The following GOLGA8B variants were observed in gnomAD, a reference collection of about 807,000 sequenced individuals.
The protein encoded by GOLGA8B is golgin subfamily A member 8B.
Under a neutral mutation model 15.6 loss-of-function variants are expected in GOLGA8B, and 1 was observed. That is an observed-to-expected ratio of 0.06 (90% CI 0.02 to 0.30). GOLGA8B has a LOEUF of 0.30. Ranked by LOEUF, GOLGA8B falls within the 10% of genes least tolerant of loss-of-function variation. The pLI, the probability that GOLGA8B is intolerant of heterozygous loss-of-function variation, is 1.00. For missense variants in GOLGA8B, 17 were observed against 201.3 expected, an observed-to-expected ratio of 0.08 and a Z score of 5.54; for synonymous variants, 9 against 80.3, an observed-to-expected ratio of 0.11 and a Z score of 4.75.
intron 11 of GOLGA8B, among the ~76,000 whole-genome samples, chr15:34,532,334 G>A (rs1218500928): frequency 5.5e-4 from 33 of 59,828 alleles, no homozygotes; most frequent in African/African-American, 9.5e-4. Context: ...AGCACGTACG[G>A]GCCAGGGACG....
intron 1 of GOLGA8B, among the ~76,000 whole-genome samples, chr15:34,570,724 C>T (rs1888893010): frequency 8.7e-6 from 1 of 115,062 alleles, no homozygotes; most frequent in Admixed American, 1.0e-4. Context: ...GGTGGGCAGG[C>T]AGCCCACAAA....
chr15:34,556,947 G>C, intron 1 of GOLGA8B: 1 of 640,608 alleles, frequency 1.6e-6, no homozygotes, highest in Non-Finnish European at 2.7e-6. Flanking sequence ...AATGGTGGCT[G>C]AGCTCTTCAT....
In GOLGA8B at chr15:34,527,022, G is replaced by C. The variant is rs1888072895; in HGVS notation, c.*610C>G. On this transcript the variant is annotated 3_prime_UTR_variant, in exon 24 of 24. Transcript: ENST00000683415. Reference sequence around the variant, plus strand: ...CGAGATTTAGAAAGCTCCCCCAAAAGGTTATCACTCCCATCACCAATACAC... The same window carrying C: ...CGAGATTTAGAAAGCTCCCCCAAAACGTTATCACTCCCATCACCAATACAC... 1 of 164,262 alleles carries C rather than the reference G, an allele frequency of 6.1e-6. No individual in the cohort carries two copies. The highest frequency in any genetic ancestry group is 1.3e-5 in the Non-Finnish European group (1 of 77,276). The allele number at this position is 164,262 out of a possible 1,614,324, so 10.2% of individuals were successfully genotyped here.
At chr15:34,564,658 T>C (rs1012696570) in intron 1 of GOLGA8B, among the ~76,000 whole-genome samples, 7 of 145,376 alleles carry the variant, frequency 4.8e-5, no homozygotes, top group African/African-American at 1.5e-4. Flanking sequence ...GTGAATGTTA[T>C]GGTCTTGATT....
chr15:34,580,718 G>A lies in GOLGA8B; in HGVS notation c.-1123+2798C>T, dbSNP rs958428642. Among the ~76,000 whole-genome samples, 11 of 152,256 alleles carry A rather than the reference G, an allele frequency of 7.2e-5. No homozygotes were observed. The East Asian group carries it at 1.2e-3, about 16-fold the overall frequency. ...AGGAACTCTGGGAAAGGAAAGAGCC[G>A]GAGAAGCCTCTCTGTGGGCGCTCAG... On this transcript the variant is annotated intron_variant, in intron 1 of 23. Transcript: ENST00000683415.
At position 34,526,343 on chromosome 15, in the gene GOLGA8B, C is replaced by A. The variant is rs191828178; in HGVS notation, c.*1289G>T. On this transcript the variant is annotated 3_prime_UTR_variant, in exon 24 of 24. Coordinates refer to ENST00000683415, the MANE Select transcript of GOLGA8B (RefSeq NM_001023567.5). ...TTTTTGTTTCAACTAAGTACTCTCA[C>A]ATATATTAGTTTATAATAATGTTTG... 1 of 149,632 alleles carries A rather than the reference C, an allele frequency of 6.7e-6. No homozygotes were observed. Among genetic ancestry groups the A allele is most frequent in the East Asian group, 2.0e-4 (1 of 5,102 alleles). 9.3% of individuals were successfully genotyped at this position (149,632 alleles called of 1,614,324 possible).
At chr15:34,581,208 G>A (rs907059723) in intron 1 of GOLGA8B, among the ~76,000 whole-genome samples, 2 of 152,352 alleles carry the variant, frequency 1.3e-5, no homozygotes, top group African/African-American at 2.4e-5. Flanking sequence ...AGGTATGCGT[G>A]GCAGAGGACA....
chr15:34,569,354 T>TCTCCCTCTCCC (rs1322823431), intron 1 of GOLGA8B, among the ~76,000 whole-genome samples: 3 of 151,514 alleles, frequency 2.0e-5, no homozygotes, highest in African/African-American at 7.3e-5. Flanking sequence ...CTCCCTCTCC[T>TCTCCCTCTCCC]CTCCCTCTCC....
intron 1 of GOLGA8B, among the ~76,000 whole-genome samples, chr15:34,579,351 T>C (rs1435221456): frequency 6.6e-6 from 1 of 151,872 alleles, no homozygotes; most frequent in Non-Finnish European, 1.5e-5. Context: ...AGTCTGACAT[T>C]AGGTACAAGA....
chr15:34,557,644 A>ATGTGTGTATGTGTGTGTGTG (rs1555405944), intron 1 of GOLGA8B, among the ~76,000 whole-genome samples: 6 of 76,062 alleles, frequency 7.9e-5, no homozygotes, highest in Non-Finnish European at 1.1e-4. Context: ...GAATTCATGA[A>ATGTGTGTATGTGTGTGTGTG]TGTGTGTGTG....
chr15:34,577,200 C>CA (rs200273562), intron 1 of GOLGA8B, among the ~76,000 whole-genome samples: 2 of 150,076 alleles, frequency 1.3e-5, no homozygotes, highest in African/African-American at 2.4e-5. Context: ...CTTATTACAC[C>CA]AAAAGACTGA....
intron 1 of GOLGA8B, among the ~76,000 whole-genome samples, chr15:34,578,217 G>T (rs1224676470): frequency 6.6e-6 from 1 of 152,134 alleles, no homozygotes; most frequent in Non-Finnish European, 1.5e-5. Context: ...ATCCATGTTG[G>T]CTTCAAGTGC....
chr15:34,581,526 A>G (rs1011307457), intron 1 of GOLGA8B: 15 of 151,486 alleles, frequency 9.9e-5, no homozygotes, highest in African/African-American at 3.6e-4. Context: ...ATGCAGCTCC[A>G]TTTCACAATC....
chr15:34,567,765 T>C (rs1345273958), intron 1 of GOLGA8B, among the ~76,000 whole-genome samples: 2 of 151,624 alleles, frequency 1.3e-5, no homozygotes, highest in Admixed American at 6.6e-5. Flanking sequence ...CCATACAGAT[T>C]ACTGGTTTTC....
chr15:34,570,837 G>A (rs1362971838), intron 1 of GOLGA8B, among the ~76,000 whole-genome samples: 1 of 100,680 alleles, frequency 9.9e-6, no homozygotes, highest in Non-Finnish European at 2.1e-5. Flanking sequence ...AGTGAGAGAC[G>A]CACAAACATG....
intron 1 of GOLGA8B, among the ~76,000 whole-genome samples, chr15:34,570,021 G>A (rs1695343195): frequency 6.6e-6 from 1 of 152,200 alleles, no homozygotes; most frequent in Non-Finnish European, 1.5e-5. Context: ...TTTGGCCACT[G>A]AGTCACACAT....
Position 34,527,765 on chromosome 15 carries a change from T to A in GOLGA8B, c.1679A>T (p.Gln560Leu), listed in dbSNP as rs773751536. ...AQGEAREGSS[Q>L]DNPTAQPVLQ... is the part of the protein sequence containing the mutation. ...GACTGGCTGTGCAGTAGGGTTGTCC[T>A]GGGAAGAACCCTCCCTGGCTTCTCC... The change falls in exon 24 of 24, where the codon CAG becomes CTG. Residue 560 changes from glutamine (Q) to leucine (L), a missense_variant. By Grantham distance (113) the Gln-to-Leu change is moderately radical. This residue lies in a region of GOLGA8B where 9 missense variants were observed against 17.4 expected (regional missense o/e 0.52). Transcript: ENST00000683415. 3.4e-5 allele frequency: 46 copies of A among 1,363,346 alleles called. 9 individuals carry two copies. The highest frequency in any genetic ancestry group is 4.5e-5 in the Non-Finnish European group (45 of 1,007,900). 84.5% of individuals were successfully genotyped at this position (1,363,346 alleles called of 1,614,324 possible).
At chr15:34,583,225 C>G (rs1889296336) in intron 1 of GOLGA8B, among the ~76,000 whole-genome samples, 1 of 151,860 alleles carries the variant, frequency 6.6e-6, no homozygotes, top group Admixed American at 6.5e-5. Context: ...TGGCCCCTCA[C>G]CGCGGTGAGC....
intron 1 of GOLGA8B, among the ~76,000 whole-genome samples, chr15:34,575,636 T>C (rs1889054346): frequency 6.6e-6 from 1 of 152,082 alleles, no homozygotes. Context: ...CACTCCAGGC[T>C]GGCCCTTCTG....
Sources: allele counts gnomAD v4.1 joint callset (sites outside exome capture counted in the v4.1 genomes callset), GRCh38; gene constraint gnomAD v4.1.1; regional missense constraint gnomAD v4.1.1; transcripts MANE v1.5; gene names NCBI Gene and HGNC (gene_info 2026-07-23, HGNC 2026-07-21).